Variants in TSHZ2 observed in about 807,000 individuals in gnomAD.
TSHZ2 encodes the protein teashirt homolog 2.
A neutral mutation model predicts 74.4 loss-of-function variants in TSHZ2; 21 were observed. The observed-to-expected ratio is 0.28, with a 90% CI of 0.20 to 0.41. The LOEUF (loss-of-function observed/expected upper bound fraction) is 0.41. Among genes scored for constraint, TSHZ2 ranks in the 10% least tolerant of loss-of-function variants. The probability of loss-of-function intolerance (pLI) is 1.00; values close to 1 mark genes in which losing one functional copy is unlikely to be tolerated. For synonymous variants in TSHZ2, 540 were observed against 515.3 expected (o/e 1.05, Z -0.65); for missense variants, 1,244 against 1,293.5 (o/e 0.96, Z 0.59).
At chr20:53,376,970 G>A (rs1981679664) in intron 2 of TSHZ2, among the ~76,000 whole-genome samples, 1 of 152,234 alleles carries the variant, frequency 6.6e-6, no homozygotes, top group Non-Finnish European at 1.5e-5. Context: ...CTCTCCATGG[G>A]AGGAATAGCA....
At chr20:52,995,989 A>G (rs1185822914) in intron 1 of TSHZ2, among the ~76,000 whole-genome samples, 1 of 152,276 alleles carries the variant, frequency 6.6e-6, no homozygotes, top group Non-Finnish European at 1.5e-5. Context: ...TTTCTTAATT[A>G]AAAATAGTGT....
chr20:53,264,594 T>C (rs1990670702), intron 2 of TSHZ2, among the ~76,000 whole-genome samples: 1 of 152,232 alleles, frequency 6.6e-6, no homozygotes, highest in South Asian at 2.1e-4. Context: ...AGCAAGTGTT[T>C]CTAAAGTTTT....
intron 2 of TSHZ2, among the ~76,000 whole-genome samples, chr20:53,329,820 A>AAG (rs780744782): frequency 6.2e-4 from 94 of 150,668 alleles, no homozygotes; most frequent in South Asian, 4.2e-4. Flanking sequence ...AAGAAAGAGA[A>AAG]AGAGAGAGAG....
intron 1 of TSHZ2, among the ~76,000 whole-genome samples, chr20:53,248,968 G>T (rs1455423234): frequency 2.0e-5 from 3 of 152,018 alleles, no homozygotes; most frequent in Non-Finnish European, 4.4e-5. Context: ...CTCCCGAGTA[G>T]CTGGGATTAC....
At chr20:53,022,002 A>T (rs1338414028) in intron 1 of TSHZ2, among the ~76,000 whole-genome samples, 1 of 152,204 alleles carries the variant, frequency 6.6e-6, no homozygotes, top group Non-Finnish European at 1.5e-5. Context: ...AGATAAAATC[A>T]TAAAAGTAAC....
At chr20:53,194,717 C>T (rs143621700) in intron 1 of TSHZ2, among the ~76,000 whole-genome samples, 1 of 152,214 alleles carries the variant, frequency 6.6e-6, no homozygotes, top group Non-Finnish European at 1.5e-5. Context: ...TTATTAAGGC[C>T]TGGGTAAGGC....
intron 1 of TSHZ2, among the ~76,000 whole-genome samples, chr20:53,182,712 A>AGGGT (rs1988511102): frequency 6.6e-6 from 1 of 152,154 alleles, no homozygotes; most frequent in Non-Finnish European, 1.5e-5. Flanking sequence ...AACTACCAGG[A>AGGGT]GGGTTTTCTG....
At chr20:53,328,945 A>C (rs1291863368) in intron 2 of TSHZ2, among the ~76,000 whole-genome samples, 1 of 152,236 alleles carries the variant, frequency 6.6e-6, no homozygotes, top group African/African-American at 2.4e-5. Flanking sequence ...AGTTAATTGA[A>C]TCAGCAATTA....
chr20:53,044,627 T>C (rs1600662890), intron 1 of TSHZ2, among the ~76,000 whole-genome samples: 1 of 152,146 alleles, frequency 6.6e-6, no homozygotes, highest in African/African-American at 2.4e-5. Context: ...GAAGTGTAAG[T>C]CACAGAGTTC....
intron 2 of TSHZ2, among the ~76,000 whole-genome samples, chr20:53,354,974 A>AG (rs1457411515): frequency 6.6e-6 from 1 of 152,144 alleles, no homozygotes; most frequent in African/African-American, 2.4e-5. Flanking sequence ...TGATTGGGCA[A>AG]GGGGGTTGGA....
chr20:53,464,002 G>A (rs1389838057), intron 2 of TSHZ2, among the ~76,000 whole-genome samples: 2 of 152,228 alleles, frequency 1.3e-5, no homozygotes, highest in Admixed American at 6.5e-5. Flanking sequence ...GTAAGCCTGA[G>A]CCTCCATGTC....
At chr20:53,362,109 C>T (rs1041365814) in intron 2 of TSHZ2, among the ~76,000 whole-genome samples, 3 of 152,094 alleles carry the variant, frequency 2.0e-5, no homozygotes, top group African/African-American at 7.2e-5. Context: ...GGTGATCCAC[C>T]ACCCGCCTGG....
intron 2 of TSHZ2, among the ~76,000 whole-genome samples, chr20:53,385,962 G>A (rs984598016): frequency 7.9e-5 from 12 of 152,174 alleles, no homozygotes; most frequent in African/African-American, 2.7e-4. Context: ...CACACCGGAC[G>A]AGGGTGTTAG....
At chr20:53,220,694 C>T (rs1037808757) in intron 1 of TSHZ2, among the ~76,000 whole-genome samples, 3 of 152,160 alleles carry the variant, frequency 2.0e-5, no homozygotes, top group Non-Finnish European at 2.9e-5. Flanking sequence ...TGACTGCTCC[C>T]GGATGTGAGG....
intron 1 of TSHZ2, among the ~76,000 whole-genome samples, chr20:53,243,697 G>A (rs911206200): frequency 5.3e-5 from 8 of 152,080 alleles, no homozygotes; most frequent in South Asian, 2.1e-4. Flanking sequence ...TTTCCACTTC[G>A]GGCTTCTGTG....
chr20:53,283,209 A>C (rs1991099004), intron 2 of TSHZ2, among the ~76,000 whole-genome samples: 1 of 152,214 alleles, frequency 6.6e-6, no homozygotes, highest in Non-Finnish European at 1.5e-5. Context: ...GCCCATTATC[A>C]TACAGTTAGG....
intron 2 of TSHZ2, among the ~76,000 whole-genome samples, chr20:53,279,149 GAGA>G (rs750853783): frequency 8.3e-4 from 126 of 152,330 alleles, no homozygotes; most frequent in Non-Finnish European, 1.4e-3. Context: ...TGAGTAGGCT[GAGA>G]AGAAGAAGTA....
chr20:53,170,966 A>AC (rs397756792), intron 1 of TSHZ2, among the ~76,000 whole-genome samples: 4 of 150,792 alleles, frequency 2.7e-5, no homozygotes, highest in African/African-American at 7.3e-5. Context: ...AAAAAAAAAA[A>AC]CACAAAAAGA....
chr20:53,380,836 A>T (rs1981830428), intron 2 of TSHZ2, among the ~76,000 whole-genome samples: 1 of 152,232 alleles, frequency 6.6e-6, no homozygotes. Flanking sequence ...CATTTTTAAA[A>T]TAATAACTAT....
Sources: gnomAD v4.1 joint callset for allele counts (sites outside exome capture counted in the v4.1 genomes callset) on GRCh38, gnomAD v4.1.1 for gene constraint, MANE v1.5 for transcripts, NCBI Gene and HGNC (gene_info 2026-07-23, HGNC 2026-07-21) for gene names.